The following ADGRB3 variants were observed in gnomAD, a reference collection of about 807,000 sequenced individuals.
ADGRB3 encodes the protein brain-specific angiogenesis inhibitor 3.
ADGRB3 carries 37 observed loss-of-function variants against 193.4 expected under a neutral mutation model. The observed-to-expected ratio is 0.19, with a 90% CI of 0.15 to 0.25. ADGRB3 has a LOEUF of 0.25. Among genes scored for constraint, ADGRB3 ranks in the 10% least tolerant of loss-of-function variants. The pLI is 1.00. For missense variants in ADGRB3, 1,637 were observed against 1,852.9 expected (o/e 0.88, Z 2.14); for synonymous variants, 690 against 644.2 (o/e 1.07, Z -1.08).
At chr6:69,360,738 T>G in intron 28 of ADGRB3, 131 bp from the exon 29 acceptor site, 1 of 913,458 alleles carries the variant, frequency 1.1e-6, no homozygotes, top group Admixed American at 3.1e-5. Flanking sequence ...TTGATATGTA[T>G]TTTTTTTAAA....
At chr6:69,145,777 T>A (rs1774475201) in intron 17 of ADGRB3, among the ~76,000 whole-genome samples, 1 of 151,744 alleles carries the variant, frequency 6.6e-6, no homozygotes, top group African/African-American at 2.4e-5. Flanking sequence ...CGGTAGCTCC[T>A]CTCTGCAGCT....
intron 11 of ADGRB3, among the ~76,000 whole-genome samples, chr6:69,007,691 TCTCA>T (rs773825323): frequency 0.082 from 6,005 of 72,908 alleles, 107 homozygotes; most frequent in Non-Finnish European, 0.11. Flanking sequence ...TCTCTCTCTC[TCTCA>T]CACACACACA....
chr6:68,678,714 G>A (rs959628767), intron 3 of ADGRB3, among the ~76,000 whole-genome samples: 1 of 152,142 alleles, frequency 6.6e-6, no homozygotes, highest in Admixed American at 6.5e-5. Context: ...GTGTGTGTGT[G>A]TGTGAATTGC....
chr6:69,147,028 A>G (rs1220930151), intron 17 of ADGRB3, among the ~76,000 whole-genome samples: 1 of 150,924 alleles, frequency 6.6e-6, no homozygotes, highest in African/African-American at 2.4e-5. Flanking sequence ...GATTTTATTT[A>G]TTTGGGTATC....
intron 3 of ADGRB3, among the ~76,000 whole-genome samples, chr6:68,787,797 G>T (rs1278643957): frequency 1.3e-5 from 2 of 151,306 alleles, no homozygotes; most frequent in Non-Finnish European, 2.9e-5. Flanking sequence ...ACTTTTTTTG[G>T]TTGGTAAGCT....
intron 3 of ADGRB3, among the ~76,000 whole-genome samples, chr6:68,754,808 G>A (rs1766268689): frequency 6.6e-6 from 1 of 152,064 alleles, no homozygotes; most frequent in African/African-American, 2.4e-5. Flanking sequence ...ATTTAGAGAA[G>A]ACTGAAGTCT....
intron 17 of ADGRB3, among the ~76,000 whole-genome samples, chr6:69,212,481 A>G (rs1045300412): frequency 6.6e-6 from 1 of 151,856 alleles, no homozygotes; most frequent in Non-Finnish European, 1.5e-5. Flanking sequence ...AAGGTTAAAG[A>G]TGATTATTCA....
intron 3 of ADGRB3, among the ~76,000 whole-genome samples, chr6:68,643,656 G>A (rs1379633449): frequency 6.6e-6 from 1 of 150,822 alleles, no homozygotes; most frequent in Non-Finnish European, 1.5e-5. Flanking sequence ...CATCTCGGCT[G>A]GTCGCAGTGT....
chr6:68,840,481 C>T (rs1360693471), intron 3 of ADGRB3, among the ~76,000 whole-genome samples: 2 of 143,620 alleles, frequency 1.4e-5, no homozygotes, highest in African/African-American at 5.2e-5. Flanking sequence ...ACTTCTGCCT[C>T]CTGGGCCTAG....
intron 30 of ADGRB3, 28 bp downstream of exon 30, chr6:69,372,469 T>A: frequency 8.3e-7 from 1 of 1,209,916 alleles, no homozygotes; most frequent in Non-Finnish European, 1.1e-6. Flanking sequence ...ATTTTAGAAT[T>A]GTAATTACTT....
At chr6:69,207,042 T>C (rs1765554355) in intron 17 of ADGRB3, among the ~76,000 whole-genome samples, 1 of 152,188 alleles carries the variant, frequency 6.6e-6, no homozygotes, top group South Asian at 2.1e-4. Flanking sequence ...AGTAGACTGA[T>C]TTCATCTTGA....
intron 17 of ADGRB3, among the ~76,000 whole-genome samples, chr6:69,085,629 A>G (rs901151871): frequency 1.4e-4 from 21 of 151,664 alleles, no homozygotes; most frequent in African/African-American, 4.8e-4. Flanking sequence ...TTAATATTTA[A>G]TTTGATATTT....
At chr6:69,181,611 A>C (rs1480679642) in intron 17 of ADGRB3, among the ~76,000 whole-genome samples, 1 of 152,202 alleles carries the variant, frequency 6.6e-6, no homozygotes, top group Non-Finnish European at 1.5e-5. Flanking sequence ...CATATACATT[A>C]TCAAATAAAC....
At chr6:69,122,320 G>A (rs192473887) in intron 17 of ADGRB3, among the ~76,000 whole-genome samples, 152 of 151,486 alleles carry the variant, frequency 1.0e-3, no homozygotes, top group Middle Eastern at 3.4e-3. Context: ...GTGGTGGCAC[G>A]CGCCTGTAAT....
intron 3 of ADGRB3, among the ~76,000 whole-genome samples, chr6:68,891,834 G>A (rs1766085715): frequency 6.6e-6 from 1 of 152,152 alleles, no homozygotes; most frequent in Non-Finnish European, 1.5e-5. Context: ...TCAGGAAAGT[G>A]AGGAATGAAG....
chr6:68,751,347 T>G (rs1024935243), intron 3 of ADGRB3, among the ~76,000 whole-genome samples: 1 of 152,120 alleles, frequency 6.6e-6, no homozygotes, highest in Admixed American at 6.5e-5. Flanking sequence ...TATGCCCACC[T>G]ACCCTTTTCC....
chr6:68,865,825 A>C (rs556148870), intron 3 of ADGRB3, among the ~76,000 whole-genome samples: 1 of 152,260 alleles, frequency 6.6e-6, no homozygotes, highest in African/African-American at 2.4e-5. Flanking sequence ...CAAATCAGTA[A>C]AACTATTACC....
At chr6:69,363,912 T>G (rs1769507649) in intron 29 of ADGRB3, among the ~76,000 whole-genome samples, 1 of 152,014 alleles carries the variant, frequency 6.6e-6, no homozygotes, top group African/African-American at 2.4e-5. Flanking sequence ...AGCAGAAAAA[T>G]GACCTGAGTA....
intron 8 of ADGRB3, among the ~76,000 whole-genome samples, chr6:68,957,205 A>G (rs1296595599): frequency 6.6e-6 from 1 of 152,244 alleles, no homozygotes; most frequent in Non-Finnish European, 1.5e-5. Context: ...TTGGCAAAGG[A>G]AATTCCTATG....
Sources: allele counts gnomAD v4.1 joint callset (sites outside exome capture counted in the v4.1 genomes callset), GRCh38; gene constraint gnomAD v4.1.1; transcripts MANE v1.5; gene names NCBI Gene and HGNC (gene_info 2026-07-23, HGNC 2026-07-21).